CDK15: variants seen among roughly 807,000 people sequenced by gnomAD.
The protein encoded by CDK15 is cyclin dependent kinase 15, also known as cyclin-dependent kinase 15.
Under a neutral mutation model 60.3 loss-of-function variants are expected in CDK15, and 62 were observed. The observed-to-expected ratio is 1.03, with a 90% CI of 0.84 to 1.27. The LOEUF (loss-of-function observed/expected upper bound fraction) is 1.27. Ranked by LOEUF, CDK15 falls within the 50% of genes most tolerant of loss-of-function variation. CDK15 has a pLI of 0.00. For missense variants in CDK15, 541 were observed against 527.8 expected, an observed-to-expected ratio of 1.03 and a Z score of -0.25; for synonymous variants, 194 against 195.7, an observed-to-expected ratio of 0.99 and a Z score of 0.07.
chr2:201,813,947 T>C (rs572064974), intron 4 of CDK15, among the ~76,000 whole-genome samples: 20 of 152,310 alleles, frequency 1.3e-4, no homozygotes, highest in African/African-American at 4.8e-4. Flanking sequence ...CATTAACTAA[T>C]GTACTTATTA....
chr2:201,891,035 A>T lies in CDK15; in HGVS notation c.*33+108A>T, dbSNP rs1253102630. On this transcript the variant is annotated intron_variant, in intron 13 of 13. Coordinates refer to ENST00000652192, the MANE Select transcript of CDK15 (RefSeq NM_001366386.2). The stretch of plus-strand genomic sequence containing the variant: ...TTCAGAGCACCTCTGTGCTGTTTCT[A>T]GTTCTTCTTCGCCAGCTCTAGGACA... The T allele has an allele frequency of 5.0e-6, 3 of 599,258 alleles. No individual in the cohort carries two copies. In the African/African-American group the frequency reaches 5.6e-5, roughly 11 times the overall value. 37.1% of individuals were successfully genotyped at this position (599,258 alleles called of 1,614,324 possible). A position where few individuals can be genotyped will look rare whatever the true frequency, so the allele number is the denominator to read the frequency against.
Position 201,893,738 on chromosome 2 carries a change from A to G in CDK15, c.*471A>G, listed in dbSNP as rs1431473095. ...ACAAAAGGATTTCTGTGGCAAGGAG[A>G]AAACTAGCCTAAAGTTTAGAAAAAG... On this transcript the variant is annotated 3_prime_UTR_variant, in exon 14 of 14. Transcript: ENST00000652192. 2.0e-5 allele frequency: 3 copies of G among 152,190 alleles called. No individual in the cohort carries two copies. Among genetic ancestry groups the G allele is most frequent in the African/African-American group, 7.2e-5 (3 of 41,444 alleles). 9.4% of individuals were successfully genotyped at this position (152,190 alleles called of 1,614,324 possible). A position where few individuals can be genotyped will look rare whatever the true frequency, so the allele number is the denominator to read the frequency against.
At chr2:201,870,234 G>A (rs368299792) in intron 10 of CDK15, among the ~76,000 whole-genome samples, 2 of 152,030 alleles carry the variant, frequency 1.3e-5, no homozygotes, top group East Asian at 3.9e-4. Flanking sequence ...GAAGGAAAAA[G>A]GGTAAGCCCC....
intron 8 of CDK15, among the ~76,000 whole-genome samples, chr2:201,838,388 A>G (rs575234538): frequency 3.9e-5 from 6 of 152,212 alleles, no homozygotes; most frequent in African/African-American, 1.4e-4. Context: ...CAAGATTAAG[A>G]AAGCCGATGT....
chr2:201,889,307 A>C, intron 12 of CDK15: 1 of 985,440 alleles, frequency 1.0e-6, no homozygotes, highest in Non-Finnish European at 1.2e-6. Context: ...GCAATGCCCA[A>C]GTGGAAAGGG....
chr2:201,858,025 A>T (rs1440708638), intron 10 of CDK15, among the ~76,000 whole-genome samples: 6 of 152,124 alleles, frequency 3.9e-5, no homozygotes, highest in Non-Finnish European at 7.4e-5. Context: ...CCAAACTTTG[A>T]ATCAGCCAGT....
At chr2:201,830,915 G>A (rs1352401465) in intron 6 of CDK15, among the ~76,000 whole-genome samples, 5 of 152,194 alleles carry the variant, frequency 3.3e-5, no homozygotes, top group Non-Finnish European at 5.9e-5. Flanking sequence ...ATATTATAGG[G>A]AAGCAGTGAG....
rs372275183 is a variant in CDK15, at chr2:201,833,978, C to T, written c.730+7C>T. 6.9e-5 allele frequency: 112 copies of T among 1,612,608 alleles called. No homozygotes were observed. Among genetic ancestry groups the T allele is most frequent in the African/African-American group, 2.5e-4 (19 of 74,774 alleles). On this transcript the variant is annotated splice_region_variant and intron_variant, in intron 7 of 13. Transcript: ENST00000652192. Reference sequence around the variant, plus strand: ...CTCAAACTGGCTGATTTTGGTAAGTCGCCCCTCGGGTCTCATTCTGGGCTG... The same window carrying T: ...CTCAAACTGGCTGATTTTGGTAAGTTGCCCCTCGGGTCTCATTCTGGGCTG...
chr2:201,857,815 A>G (rs1483228239), intron 10 of CDK15, among the ~76,000 whole-genome samples: 1 of 152,172 alleles, frequency 6.6e-6, no homozygotes, highest in Non-Finnish European at 1.5e-5. Context: ...TACGTGAGTC[A>G]ATAAGTTCCT....
intron 12 of CDK15, 152 bp downstream of exon 12, chr2:201,880,319 G>T: frequency 1.1e-6 from 1 of 931,958 alleles, no homozygotes; most frequent in South Asian, 1.7e-5. Context: ...CCTGGGAGAA[G>T]CAAGATAGGA....
At chr2:201,829,858 A>T (rs764168173) in intron 6 of CDK15, among the ~76,000 whole-genome samples, 3 of 151,418 alleles carry the variant, frequency 2.0e-5, no homozygotes, top group Non-Finnish European at 3.0e-5. Context: ...CCCAGGCTGG[A>T]GTGCAGTGGC....
intron 3 of CDK15, among the ~76,000 whole-genome samples, chr2:201,812,199 AC>A (rs1291303955): frequency 5.1e-4 from 76 of 150,280 alleles, no homozygotes; most frequent in African/African-American, 1.0e-3. Context: ...AAACAAAAAA[AC>A]AAAAAAACAC....
At chr2:201,888,577 GTTT>G in intron 12 of CDK15, 2 of 1,461,522 alleles carry the variant, frequency 1.4e-6, no homozygotes, top group Non-Finnish European at 1.8e-6. Flanking sequence ...AGCTTTTTTC[GTTT>G]TTTATTTCCC....
rs1250036268 is a variant in CDK15, at chr2:201,813,182, A to C, written c.448+620A>C. On this transcript the variant is annotated intron_variant, in intron 4 of 13. Transcript: ENST00000652192. ...GTACCTATTTCATGGAGTTGTTATGAGTATTCAACAAGAATATGTATATAA... is the reference window on the plus strand; with the variant it reads ...GTACCTATTTCATGGAGTTGTTATGCGTATTCAACAAGAATATGTATATAA... Among the ~76,000 whole-genome samples the C allele has an allele frequency of 2.0e-5, 3 of 152,336 alleles. No individual in the cohort carries two copies. In the East Asian group the frequency reaches 5.8e-4, roughly 29 times the overall value.
chr2:201,835,978 A>T (rs1697006910), intron 8 of CDK15, among the ~76,000 whole-genome samples: 1 of 51,790 alleles, frequency 1.9e-5, no homozygotes, highest in South Asian at 1.1e-3. Context: ...ATATATTTAT[A>T]TATTTTTATA....
rs1185781538 is a variant in CDK15 at position 201,880,073 on chromosome 2, A to C, written c.1104A>C (p.Leu368=). ...PEAEDLASQM[L]KGFPRDRVSA... is the part of the protein sequence containing the mutation. Reference sequence around the variant, plus strand: ...CTGAAGACCTGGCCTCCCAGATGCTAAAAGGCTTTCCCAGAGACCGCGTCT... The same window carrying C: ...CTGAAGACCTGGCCTCCCAGATGCTCAAAGGCTTTCCCAGAGACCGCGTCT... The change falls in exon 12 of 14, where the codon CTA becomes CTC. Residue 368 remains leucine (L), a synonymous_variant. Coordinates refer to ENST00000652192, the MANE Select transcript of CDK15 (RefSeq NM_001366386.2). The C allele has an allele frequency of 6.2e-7, 1 of 1,614,084 alleles. No individual in the cohort carries two copies. Among genetic ancestry groups the C allele is most frequent in the Non-Finnish European group, 8.5e-7 (1 of 1,179,998 alleles).
At position 201,894,395 on chromosome 2, in the gene CDK15, T is replaced by G. The variant is rs1164435833; in HGVS notation, c.*1128T>G. Reference sequence around the variant, plus strand: ...AAATCAACCTGCCTGAGTAAGTATCTGATTTTAGTAAGGCATTTGACAAAG... The same window carrying G: ...AAATCAACCTGCCTGAGTAAGTATCGGATTTTAGTAAGGCATTTGACAAAG... On this transcript the variant is annotated 3_prime_UTR_variant, in exon 14 of 14. Coordinates refer to ENST00000652192, the MANE Select transcript of CDK15 (RefSeq NM_001366386.2). 6.6e-6 allele frequency: 1 copy of G among 152,238 alleles called. No homozygotes were observed. Among genetic ancestry groups the G allele is most frequent in the Non-Finnish European group, 1.5e-5 (1 of 68,040 alleles). 9.4% of individuals were successfully genotyped at this position (152,238 alleles called of 1,614,324 possible). A position where few individuals can be genotyped will look rare whatever the true frequency, so the allele number is the denominator to read the frequency against.
intron 8 of CDK15, among the ~76,000 whole-genome samples, chr2:201,840,001 T>A (rs950118662): frequency 1.3e-5 from 2 of 150,226 alleles, no homozygotes; most frequent in Non-Finnish European, 3.0e-5. Flanking sequence ...TTTGTTTTTT[T>A]TGAGACAGAG....
Position 201,843,722 on chromosome 2 carries a change from C to T in CDK15, c.852-3659C>T, listed in dbSNP as rs1053124083. On this transcript the variant is annotated intron_variant, in intron 8 of 13. Transcript: ENST00000652192. ...GTTAGATGAGGAAGGTTTCAACCTT[C>T]CCCAAAATGCAAATGGAGAATTTCA... Among the ~76,000 whole-genome samples the T allele has an allele frequency of 3.3e-5, 5 of 152,084 alleles. No individual in the cohort carries two copies. The East Asian group carries it at 5.8e-4, about 18-fold the overall frequency.
Sources: allele counts gnomAD v4.1 joint callset (sites outside exome capture counted in the v4.1 genomes callset), GRCh38; gene constraint gnomAD v4.1.1; transcripts MANE v1.5; gene names NCBI Gene and HGNC (gene_info 2026-07-23, HGNC 2026-07-21).